NFKB1: variants seen among roughly 807,000 people sequenced by gnomAD.
The protein encoded by NFKB1 is nuclear factor NF-kappa-B p105 subunit.
Under a neutral mutation model 105.1 loss-of-function variants are expected in NFKB1, and 9 were observed. The observed-to-expected ratio is 0.09, with a 90% confidence interval of 0.05 to 0.15. NFKB1 has a LOEUF of 0.15. Ranked by LOEUF, NFKB1 falls within the 10% of genes least tolerant of loss-of-function variation. NFKB1 has a pLI of 1.00. For synonymous variants in NFKB1, 440 were observed against 442.2 expected, an observed-to-expected ratio of 1.00 and a Z score of 0.06; for missense variants, 830 against 1,203.7, an observed-to-expected ratio of 0.69 and a Z score of 4.59.
rs1357248129 is a variant in NFKB1, at chr4:102,566,960, A to G, written c.259-27A>G. The G allele has an allele frequency of 6.2e-6, 10 of 1,612,074 alleles. No individual in the cohort carries two copies. In the East Asian group the frequency reaches 1.3e-4, roughly 22 times the overall value. ...ATGTTGCTGGAGAGTCAGATATGCT[A>G]ACTTTTGGAATGTGCTTCTTATATA... On this transcript the variant is annotated intron_variant, in intron 5 of 23. Transcript: ENST00000226574.
chr4:102,527,130 G>GA (rs1354359624), intron 2 of NFKB1, among the ~76,000 whole-genome samples: 2 of 152,074 alleles, frequency 1.3e-5, no homozygotes, highest in Non-Finnish European at 2.9e-5. Context: ...GCTTAGTGGG[G>GA]AAAAAATAAG....
intron 5 of NFKB1, among the ~76,000 whole-genome samples, chr4:102,555,318 T>G (rs1269098797): frequency 1.3e-5 from 2 of 152,206 alleles, no homozygotes; most frequent in Non-Finnish European, 2.9e-5. Flanking sequence ...ATTTATTTAT[T>G]CACTAGCTCT....
intron 1 of NFKB1, among the ~76,000 whole-genome samples, chr4:102,509,217 G>T (rs933573179): frequency 6.6e-6 from 1 of 152,116 alleles, no homozygotes; most frequent in Non-Finnish European, 1.5e-5. Flanking sequence ...TGTCTTTATG[G>T]TGTCTCTTTA....
At chr4:102,519,807 T>C (rs1740447905) in intron 1 of NFKB1, among the ~76,000 whole-genome samples, 1 of 152,222 alleles carries the variant, frequency 6.6e-6, no homozygotes, top group Non-Finnish European at 1.5e-5. Flanking sequence ...TGACTTACTC[T>C]CTTTCAGCTT....
At chr4:102,579,446 A>G (rs1725139369) in intron 8 of NFKB1, among the ~76,000 whole-genome samples, 1 of 151,926 alleles carries the variant, frequency 6.6e-6, no homozygotes, top group South Asian at 2.1e-4. Context: ...TTTCTTTCCC[A>G]TATGTTACTA....
At chr4:102,601,758 C>T (rs1727165541) in intron 16 of NFKB1, among the ~76,000 whole-genome samples, 2 of 152,186 alleles carry the variant, frequency 1.3e-5, no homozygotes, top group South Asian at 4.1e-4. Flanking sequence ...GTGATGGGAG[C>T]CCAGTGACCC....
chr4:102,546,301 T>C lies in NFKB1; in HGVS notation c.258+8345T>C, dbSNP rs191002746. Among the ~76,000 whole-genome samples the C allele has an allele frequency of 5.3e-3, 804 of 150,878 alleles. 5 individuals carry two copies. Among genetic ancestry groups the C allele is most frequent in the Middle Eastern group, 0.017 (5 of 292 alleles). ...CATTGGACTGAAGGAAAAAAAAAAATGTGAAGCTGTCTTACTTAGCTACAG... is the reference window on the plus strand; with the variant it reads ...CATTGGACTGAAGGAAAAAAAAAAACGTGAAGCTGTCTTACTTAGCTACAG... On this transcript the variant is annotated intron_variant, in intron 5 of 23. Coordinates refer to ENST00000226574, the MANE Select transcript of NFKB1 (RefSeq NM_003998.4).
chr4:102,574,996 C>T (rs1724697591), intron 6 of NFKB1, among the ~76,000 whole-genome samples: 1 of 152,172 alleles, frequency 6.6e-6, no homozygotes, highest in Non-Finnish European at 1.5e-5. Context: ...CGTTTTCCTG[C>T]AGTTAGGGAA....
chr4:102,561,359 A>G (rs1476447858), intron 5 of NFKB1, among the ~76,000 whole-genome samples: 1 of 149,796 alleles, frequency 6.7e-6, no homozygotes, highest in Admixed American at 6.8e-5. Flanking sequence ...TGTCTGTGGC[A>G]TGACTCTGTG....
chr4:102,600,866 T>C (rs1192290850), intron 15 of NFKB1, 29 bp from the exon 16 acceptor site: 3 of 1,238,810 alleles, frequency 2.4e-6, no homozygotes, highest in Admixed American at 3.5e-5. Flanking sequence ...ACATTTTAGT[T>C]AATTATTGCC....
At chr4:102,510,554 A>G (rs1275241571) in intron 1 of NFKB1, among the ~76,000 whole-genome samples, 5 of 152,212 alleles carry the variant, frequency 3.3e-5, no homozygotes, top group Admixed American at 2.6e-4. Context: ...GCATGTGAGT[A>G]AGTACCAAGC....
At position 102,612,542 on chromosome 4, in the gene NFKB1, G is replaced by A. The variant is rs1728520252; in HGVS notation, c.2528G>A (p.Gly843Glu). Residue 843 changes from glycine (G) to glutamate (E), a missense_variant, in exon 22 of 24, where the codon GGG (glycine) becomes GAG (glutamate). This residue lies in a region of NFKB1 where 418 missense variants were observed against 575.3 expected (regional missense o/e 0.73). Coordinates refer to ENST00000226574, the MANE Select transcript of NFKB1 (RefSeq NM_003998.4). Reference protein sequence around the residue: ...WATLAQKLGLGILNNAFRLSP... With the variant: ...WATLAQKLGLEILNNAFRLSP... ...ACTCTGGCGCAGAAATTAGGTCTGG[G>A]GATACTTAATAATGCCTTCCGGCTG... 1 of 1,613,846 alleles carries A rather than the reference G, an allele frequency of 6.2e-7. No individual in the cohort carries two copies. The highest frequency in any genetic ancestry group is 8.5e-7 in the Non-Finnish European group (1 of 1,180,000).
At chr4:102,553,251 T>A (rs1306472069) in intron 5 of NFKB1, among the ~76,000 whole-genome samples, 1 of 152,144 alleles carries the variant, frequency 6.6e-6, no homozygotes, top group East Asian at 1.9e-4. Flanking sequence ...CCTAATTGCT[T>A]CTCTAGCCAG....
chr4:102,552,685 C>G (rs1722705935), intron 5 of NFKB1, among the ~76,000 whole-genome samples: 1 of 152,162 alleles, frequency 6.6e-6, no homozygotes, highest in Admixed American at 6.5e-5. Flanking sequence ...CTACTTTATC[C>G]AAGCTGTAGA....
chr4:102,588,923 G>A (rs746809765), intron 11 of NFKB1, among the ~76,000 whole-genome samples: 4 of 152,112 alleles, frequency 2.6e-5, no homozygotes, highest in African/African-American at 7.2e-5. Context: ...TCTAAAATAG[G>A]TTGATGTTTC....
At chr4:102,519,530 C>T (rs1000531782) in intron 1 of NFKB1, among the ~76,000 whole-genome samples, 10 of 151,718 alleles carry the variant, frequency 6.6e-5, no homozygotes, top group African/African-American at 2.2e-4. Context: ...CTTGAGTTAA[C>T]ATTGTTTGGT....
intron 3 of NFKB1, among the ~76,000 whole-genome samples, chr4:102,531,204 G>A (rs1222818083): frequency 1.3e-5 from 2 of 152,070 alleles, no homozygotes; most frequent in Non-Finnish European, 2.9e-5. Flanking sequence ...GGATTTATGG[G>A]CATGAAAATA....
At chr4:102,578,064 C>A in intron 7 of NFKB1, 1 of 812,450 alleles carries the variant, frequency 1.2e-6, no homozygotes, top group Non-Finnish European at 1.5e-6. Flanking sequence ...TCAAAGTCTA[C>A]TACTTGGTAG....
chr4:102,578,067 C>G, intron 7 of NFKB1: 2 of 766,404 alleles, frequency 2.6e-6, no homozygotes, highest in African/African-American at 1.9e-5. Context: ...AAGTCTACTA[C>G]TTGGTAGGAG....
Sources: allele counts gnomAD v4.1 joint callset (sites outside exome capture counted in the v4.1 genomes callset), GRCh38; gene constraint gnomAD v4.1.1; regional missense constraint gnomAD v4.1.1; transcripts MANE v1.5; gene names NCBI Gene and HGNC (gene_info 2026-07-23, HGNC 2026-07-21).